Variants in CNTLN observed in about 807,000 individuals in gnomAD.
CNTLN encodes centlein, centrosomal protein.
A neutral mutation model predicts 180.0 loss-of-function variants in CNTLN; 212 were observed. The observed-to-expected ratio is 1.18, with a 90% CI of 1.05 to 1.32. CNTLN has a LOEUF of 1.32. Among genes scored for constraint, CNTLN ranks in the 40% most tolerant of loss-of-function variants. The pLI, the probability that CNTLN is intolerant of heterozygous loss-of-function variation, is 0.00. For synonymous variants in CNTLN, 722 were observed against 563.1 expected, an observed-to-expected ratio of 1.28 and a Z score of -3.99; for missense variants, 2,095 against 1,610.9, an observed-to-expected ratio of 1.30 and a Z score of -5.14.
At chr9:17,370,147 G>A (rs1469782175) in intron 13 of CNTLN, among the ~76,000 whole-genome samples, 2 of 151,968 alleles carry the variant, frequency 1.3e-5, no homozygotes, top group African/African-American at 4.8e-5. Flanking sequence ...TTATTCAAAG[G>A]GAAAATAACA....
intron 12 of CNTLN, among the ~76,000 whole-genome samples, chr9:17,351,486 A>G (rs1217220168): frequency 6.6e-6 from 1 of 152,150 alleles, no homozygotes; most frequent in African/African-American, 2.4e-5. Flanking sequence ...CATTATTCTA[A>G]ATCTTAGTAA....
At chr9:17,206,042 A>C (rs192689889) in intron 2 of CNTLN, among the ~76,000 whole-genome samples, 1 of 152,190 alleles carries the variant, frequency 6.6e-6, no homozygotes, top group African/African-American at 2.4e-5. Context: ...GAATGAGTTC[A>C]TCAACTGGGT....
At chr9:17,472,684 T>C (rs544199532) in intron 23 of CNTLN, among the ~76,000 whole-genome samples, 113 of 152,186 alleles carry the variant, frequency 7.4e-4, no homozygotes, top group African/African-American at 2.5e-3. Flanking sequence ...AAGTTCTGCA[T>C]TGGGAAGAAA....
chr9:17,147,828 T>G (rs1818561059), intron 2 of CNTLN, among the ~76,000 whole-genome samples: 1 of 152,206 alleles, frequency 6.6e-6, no homozygotes. Flanking sequence ...AATAGTATAA[T>G]AATGCCGTGA....
At chr9:17,279,828 T>C (rs532407728) in intron 6 of CNTLN, among the ~76,000 whole-genome samples, 3 of 52,138 alleles carry the variant, frequency 5.8e-5, no homozygotes, top group African/African-American at 2.3e-4. Context: ...GTGTGGGACA[T>C]TGGGCTCTGC....
intron 2 of CNTLN, among the ~76,000 whole-genome samples, chr9:17,194,204 A>G (rs957095523): frequency 1.3e-5 from 2 of 152,242 alleles, no homozygotes; most frequent in African/African-American, 4.8e-5. Context: ...CTTAGGGATT[A>G]ACATTCAGCT....
At chr9:17,295,506 G>A (rs991913617) in intron 6 of CNTLN, among the ~76,000 whole-genome samples, 1 of 152,136 alleles carries the variant, frequency 6.6e-6, no homozygotes, top group Non-Finnish European at 1.5e-5. Context: ...TCTGTGGGTT[G>A]TGCCAGCTGC....
At position 17,330,321 on chromosome 9, in the gene CNTLN, A is replaced by G. The variant is rs1029786538; in HGVS notation, c.1342-311A>G. On this transcript the variant is annotated intron_variant, in intron 8 of 25. Transcript: ENST00000380647. ...AGGCAATACATATGTGTATAATCAGAAATTTGAAATGACTCATTTATAGAT... is the reference window on the plus strand; with the variant it reads ...AGGCAATACATATGTGTATAATCAGGAATTTGAAATGACTCATTTATAGAT... 3.3e-5 allele frequency among the ~76,000 whole-genome samples: 5 copies of G among 152,056 alleles called. No individual in the cohort carries two copies. In the East Asian group the frequency reaches 5.8e-4, roughly 18 times the overall value.
intron 2 of CNTLN, among the ~76,000 whole-genome samples, chr9:17,174,100 CTTTTTAGTATAGGCTTT>C (rs1820573074): frequency 6.6e-6 from 1 of 152,156 alleles, no homozygotes; most frequent in Non-Finnish European, 1.5e-5. Context: ...CAGCATGTAA[CTTTTTAGTATAGGCTTT>C]TCATTCAGCA....
chr9:17,332,780 T>C, intron 10 of CNTLN, 50 bp downstream of exon 10: 2 of 1,462,596 alleles, frequency 1.4e-6, no homozygotes, highest in South Asian at 2.8e-5. Context: ...GATAAAAATA[T>C]ACCAAAGTAA....
chr9:17,362,125 C>T (rs975040127), intron 12 of CNTLN, among the ~76,000 whole-genome samples: 4 of 152,158 alleles, frequency 2.6e-5, no homozygotes, highest in East Asian at 1.9e-4. Flanking sequence ...AAGAAACAAG[C>T]TGTAAGTATA....
chr9:17,310,806 A>G (rs1819078907), intron 8 of CNTLN, among the ~76,000 whole-genome samples: 1 of 152,134 alleles, frequency 6.6e-6, no homozygotes, highest in South Asian at 2.1e-4. Context: ...TTTTATGTGC[A>G]TATCACTGAC....
intron 2 of CNTLN, among the ~76,000 whole-genome samples, chr9:17,220,472 G>A (rs1396891584): frequency 6.6e-6 from 1 of 151,890 alleles, no homozygotes; most frequent in African/African-American, 2.4e-5. Flanking sequence ...ATGTTTTTTA[G>A]GTAAACTTTA....
At chr9:17,458,041 T>C (rs756383239) in intron 19 of CNTLN, among the ~76,000 whole-genome samples, 1 of 151,832 alleles carries the variant, frequency 6.6e-6, no homozygotes, top group South Asian at 2.1e-4. Context: ...ATGTAATGCG[T>C]CAACATAAAC....
intron 5 of CNTLN, among the ~76,000 whole-genome samples, chr9:17,237,130 T>C (rs1471463168): frequency 6.6e-6 from 1 of 152,078 alleles, no homozygotes; most frequent in African/African-American, 2.4e-5. Context: ...TATAATCTTA[T>C]ACCCTTTTTA....
downstream of CNTLN, among the ~76,000 whole-genome samples, chr9:17,506,955 C>T (rs1055006370): frequency 1.3e-5 from 2 of 152,062 alleles, no homozygotes; most frequent in Admixed American, 6.6e-5. Context: ...TCACCTCAAA[C>T]ATTTATTACT....
intron 18 of CNTLN, among the ~76,000 whole-genome samples, chr9:17,426,092 G>A (rs946558560): frequency 6.6e-6 from 1 of 152,214 alleles, no homozygotes; most frequent in Admixed American, 6.5e-5. Context: ...ATCAGGAACA[G>A]AGATTGGATT....
chr9:17,278,392 C>T (rs1419066036), intron 6 of CNTLN, among the ~76,000 whole-genome samples: 3 of 150,176 alleles, frequency 2.0e-5, no homozygotes, highest in Non-Finnish European at 4.4e-5. Context: ...ATAAAATTTA[C>T]AATAATCTAA....
chr9:17,184,692 C>G (rs890560844), intron 2 of CNTLN, among the ~76,000 whole-genome samples: 1 of 152,134 alleles, frequency 6.6e-6, no homozygotes. Context: ...AGAACTCATA[C>G]TAGCATAATT....
Sources: allele counts gnomAD v4.1 joint callset (sites outside exome capture counted in the v4.1 genomes callset), GRCh38; gene constraint gnomAD v4.1.1; transcripts MANE v1.5; gene names NCBI Gene and HGNC (gene_info 2026-07-23, HGNC 2026-07-21).